Variants in GPC5 observed in about 807,000 individuals in gnomAD.
The protein encoded by GPC5 is glypican 5, also known as glypican-5.
In GPC5, 47 loss-of-function variants were observed where a neutral mutation model predicts 53.9. That is an observed-to-expected ratio of 0.87 (90% CI 0.69 to 1.11). GPC5 has a LOEUF of 1.11. Among genes scored for constraint, GPC5 ranks in the 50% most tolerant of loss-of-function variants. GPC5 has a pLI of 0.00. For missense variants in GPC5, 748 were observed against 713.1 expected (o/e 1.05, Z -0.56); for synonymous variants, 286 against 263.3 (o/e 1.09, Z -0.84).
chr13:92,435,646 G>A (rs1017749042), intron 7 of GPC5, among the ~76,000 whole-genome samples: 1 of 152,158 alleles, frequency 6.6e-6, no homozygotes, highest in Non-Finnish European at 1.5e-5. Flanking sequence ...AGGGATATAT[G>A]TACAAAGTAA....
chr13:92,525,437 A>AGTGTGTGTGTGTGTGTGTGT (rs34946580), intron 7 of GPC5, among the ~76,000 whole-genome samples: 167 of 136,676 alleles, frequency 1.2e-3, no homozygotes, highest in South Asian at 2.1e-3. Flanking sequence ...GATAGATTCA[A>AGTGTGTGTGTGTGTGTGTGT]GTGTGTGTGT....
chr13:92,117,018 G>C (rs2041607300), intron 6 of GPC5, among the ~76,000 whole-genome samples: 1 of 152,072 alleles, frequency 6.6e-6, no homozygotes, highest in Admixed American at 6.5e-5. Context: ...ATCTTTCGTA[G>C]AGCAAAAATT....
intron 6 of GPC5, among the ~76,000 whole-genome samples, chr13:91,947,249 T>C (rs894253806): frequency 6.6e-6 from 1 of 152,172 alleles, no homozygotes; most frequent in Non-Finnish European, 1.5e-5. Context: ...ATTTGGATAC[T>C]TGTAATTTTC....
At chr13:91,641,249 A>G (rs1270785160) in intron 2 of GPC5, among the ~76,000 whole-genome samples, 1 of 152,176 alleles carries the variant, frequency 6.6e-6, no homozygotes, top group Non-Finnish European at 1.5e-5. Context: ...AATGGCGTGA[A>G]CCCAGGAGGC....
At chr13:91,843,012 CTAAG>C (rs1436547976) in intron 5 of GPC5, among the ~76,000 whole-genome samples, 6 of 152,076 alleles carry the variant, frequency 3.9e-5, no homozygotes, top group African/African-American at 1.4e-4. Flanking sequence ...CTTTTAGCAT[CTAAG>C]TGTCTCCTTT....
rs79778775 is a variant in GPC5 at position 91,727,650 on chromosome 13, T to C, written c.1021-882T>C. Among the ~76,000 whole-genome samples, 1,113 of 152,296 alleles carry C rather than the reference T, an allele frequency of 7.3e-3. 13 individuals are homozygous for C. The highest frequency in any genetic ancestry group is 0.021 in the African/African-American group (874 of 41,572). ...AAGGGAACTTTGGAATAATTTGTTC[T>C]AACTTCTTCATTGTGCACATTAGGA... On this transcript the variant is annotated intron_variant, in intron 3 of 7. Transcript: ENST00000377067.
chr13:92,678,761 T>G (rs1239373656), intron 7 of GPC5, among the ~76,000 whole-genome samples: 2 of 152,148 alleles, frequency 1.3e-5, no homozygotes, highest in African/African-American at 4.8e-5. Flanking sequence ...TGCTGTCTGC[T>G]GAGATAAGAA....
chr13:92,290,168 T>A (rs2042983626), intron 7 of GPC5, among the ~76,000 whole-genome samples: 1 of 152,200 alleles, frequency 6.6e-6, no homozygotes, highest in South Asian at 2.1e-4. Flanking sequence ...GCTTTATATA[T>A]GTGGGACTTT....
At chr13:91,903,408 A>T (rs1190589611) in intron 5 of GPC5, among the ~76,000 whole-genome samples, 2 of 152,108 alleles carry the variant, frequency 1.3e-5, no homozygotes, top group Non-Finnish European at 2.9e-5. Flanking sequence ...CCAAGGTCAT[A>T]GAATATGGTT....
At chr13:91,985,034 T>A (rs2040394063) in intron 6 of GPC5, among the ~76,000 whole-genome samples, 1 of 152,228 alleles carries the variant, frequency 6.6e-6, no homozygotes, top group Admixed American at 6.5e-5. Context: ...ATATGTTTTT[T>A]CTAATTAGAA....
At chr13:92,768,592 AAAAC>A (rs2138746260) in intron 7 of GPC5, among the ~76,000 whole-genome samples, 1 of 152,236 alleles carries the variant, frequency 6.6e-6, no homozygotes, top group Non-Finnish European at 1.5e-5. Flanking sequence ...AATTTTCTTT[AAAAC>A]AAAATAGAAT....
Position 91,438,994 on chromosome 13 carries a change from G to T in GPC5, c.164-9767G>T, listed in dbSNP as rs1375308534. ...GATATAATCTCCTGGTGTGCTGTTT[G>T]CTCAGTAGGAAATGCAGAAATTACC... On this transcript the variant is annotated intron_variant, in intron 1 of 7. Transcript: ENST00000377067. Among the ~76,000 whole-genome samples, 4 of 152,192 alleles carry T rather than the reference G, an allele frequency of 2.6e-5. No individual in the cohort carries two copies. The East Asian group carries it at 7.7e-4, about 29-fold the overall frequency.
chr13:92,282,567 G>A (rs2139170957), intron 7 of GPC5, among the ~76,000 whole-genome samples: 1 of 152,236 alleles, frequency 6.6e-6, no homozygotes, highest in East Asian at 1.9e-4. Flanking sequence ...AAATCTACAA[G>A]CCAGAAGAGA....
At chr13:91,752,304 C>G (rs1229005565) in intron 4 of GPC5, among the ~76,000 whole-genome samples, 1 of 152,082 alleles carries the variant, frequency 6.6e-6, no homozygotes, top group Non-Finnish European at 1.5e-5. Flanking sequence ...AGGCTGGTCT[C>G]CAACTTCTAG....
At chr13:91,592,854 G>C (rs912243890) in intron 2 of GPC5, among the ~76,000 whole-genome samples, 1 of 152,214 alleles carries the variant, frequency 6.6e-6, no homozygotes, top group South Asian at 2.1e-4. Flanking sequence ...GGGCTGGCAG[G>C]CAAGGGGCCT....
chr13:92,866,286 G>T lies in GPC5; in HGVS notation c.1566G>T (p.Met522Ile). 1 of 1,609,460 alleles carries T rather than the reference G, an allele frequency of 6.2e-7. No individual in the cohort carries two copies. The highest frequency in any genetic ancestry group is 8.5e-7 in the Non-Finnish European group (1 of 1,177,134). The change falls in exon 8 of 8, where the codon ATG (methionine) becomes ATT (isoleucine). Residue 522 changes from methionine (M) to isoleucine (I), a missense_variant. Physicochemically the swap from Met to Ile is conservative, Grantham distance 10. Coordinates refer to ENST00000377067, the MANE Select transcript of GPC5 (RefSeq NM_004466.6). ...CTTTCTTATTTGCCTCTACAGGGATGCCAGATGATATGAACTTCAGTGATG... is the reference window on the plus strand; with the variant it reads ...CTTTCTTATTTGCCTCTACAGGGATTCCAGATGATATGAACTTCAGTGATG... ...VKRTLKITDW[M>I]PDDMNFSDVK...
At chr13:91,574,609 T>C (rs1251091720) in intron 2 of GPC5, among the ~76,000 whole-genome samples, 1 of 152,024 alleles carries the variant, frequency 6.6e-6, no homozygotes, top group Non-Finnish European at 1.5e-5. Context: ...TATTAGAAAG[T>C]TATAGAGTTG....
intron 6 of GPC5, among the ~76,000 whole-genome samples, chr13:91,934,749 C>T (rs2039854364): frequency 6.6e-6 from 1 of 151,844 alleles, no homozygotes; most frequent in African/African-American, 2.4e-5. Flanking sequence ...GTTGAGAGTT[C>T]CCATATTCCT....
At chr13:91,920,682 A>G (rs1443152034) in intron 6 of GPC5, among the ~76,000 whole-genome samples, 1 of 152,198 alleles carries the variant, frequency 6.6e-6, no homozygotes, top group Non-Finnish European at 1.5e-5. Context: ...ATAAACCAAG[A>G]AACCCAAAAT....
Sources: gnomAD v4.1 joint callset for allele counts (sites outside exome capture counted in the v4.1 genomes callset) on GRCh38, gnomAD v4.1.1 for gene constraint, MANE v1.5 for transcripts, NCBI Gene and HGNC (gene_info 2026-07-23, HGNC 2026-07-21) for gene names.